STAG1: variants seen among roughly 807,000 people sequenced by gnomAD.
STAG1 encodes STAG1 cohesin complex component, also known as cohesin subunit SA-1.
Under a neutral mutation model 170.9 loss-of-function variants are expected in STAG1, and 26 were observed. That is an observed-to-expected ratio of 0.15 (90% confidence interval 0.11 to 0.21). STAG1 has a LOEUF of 0.21. Among genes scored for constraint, STAG1 ranks in the 10% least tolerant of loss-of-function variants. The probability of loss-of-function intolerance (pLI) is 1.00; values close to 1 mark genes in which losing one functional copy is unlikely to be tolerated. For synonymous variants in STAG1, 514 were observed against 497.7 expected (o/e 1.03, Z -0.44); for missense variants, 964 against 1,509.5 (o/e 0.64, Z 5.99).
intron 2 of STAG1, among the ~76,000 whole-genome samples, chr3:136,629,187 TA>T (rs1940224800): frequency 6.6e-6 from 1 of 152,228 alleles, no homozygotes; most frequent in South Asian, 2.1e-4. Context: ...CTCTGTTTCA[TA>T]TTTTATCAAA....
At chr3:136,630,773 T>G in intron 2 of STAG1, 97 bp downstream of exon 2, 2 of 875,478 alleles carry the variant, frequency 2.3e-6, no homozygotes, top group Non-Finnish European at 3.6e-6. Flanking sequence ...AAAGAACATA[T>G]TTGAAATGTA....
chr3:136,443,126 G>A lies in STAG1; in HGVS notation c.1546+161C>T, dbSNP rs959484812. Among the ~76,000 whole-genome samples, 3 of 152,130 alleles carry A rather than the reference G, an allele frequency of 2.0e-5. No homozygotes were observed. In the East Asian group the frequency reaches 5.8e-4, roughly 29 times the overall value. On this transcript the variant is annotated intron_variant, in intron 15 of 33. Transcript: ENST00000383202. ...GTTTATATGGAAACATGTTAGAAAC[G>A]ATTGACACATCCTTACTTGTTACAG...
chr3:136,341,617 C>G, intron 30 of STAG1, 66 bp from the exon 31 acceptor site: 2 of 1,040,630 alleles, frequency 1.9e-6, no homozygotes, highest in Non-Finnish European at 3.0e-6. Context: ...GAGCCCCAAG[C>G]TAAGAAAGCC....
At chr3:136,743,683 C>A (rs891549207) in intron 1 of STAG1, among the ~76,000 whole-genome samples, 1 of 152,104 alleles carries the variant, frequency 6.6e-6, no homozygotes, top group African/African-American at 2.4e-5. Flanking sequence ...AAGAATAACA[C>A]TATTACACAA....
At chr3:136,726,609 A>G (rs960743549) in intron 1 of STAG1, among the ~76,000 whole-genome samples, 1 of 152,166 alleles carries the variant, frequency 6.6e-6, no homozygotes, top group Non-Finnish European at 1.5e-5. Context: ...TTTTTAGTAG[A>G]GATGGGGTTT....
At position 136,722,609 on chromosome 3, in the gene STAG1, ACTCTCCCTCTCC is replaced by A. The variant is rs757130573; in HGVS notation, c.-84+29574_-84+29585del. On this transcript the variant is annotated intron_variant, in intron 1 of 33. Coordinates refer to ENST00000383202, the MANE Select transcript of STAG1 (RefSeq NM_005862.3). Reference sequence around the variant, plus strand: ...GGTTCAATTAAGATTGGAGAGCATGACTCTCCCTCTCCCTCTCCCTCTCCCTCTCCCCCTCCC... The same window carrying A: ...GGTTCAATTAAGATTGGAGAGCATGACTCTCCCTCTCCCTCTCCCCCTCCC... Among the ~76,000 whole-genome samples, 727 of 143,724 alleles carry A rather than the reference ACTCTCCCTCTCC, an allele frequency of 5.1e-3. 3 individuals carry two copies. The highest frequency in any genetic ancestry group is 8.5e-3 in the Non-Finnish European group (563 of 66,046). The allele number at this position is 143,724 out of a possible 152,430, so 94.3% of individuals were successfully genotyped here.
At chr3:136,747,646 C>T (rs568486713) in intron 1 of STAG1, among the ~76,000 whole-genome samples, 10 of 152,224 alleles carry the variant, frequency 6.6e-5, no homozygotes, top group African/African-American at 2.4e-4. Context: ...CACAACTGCA[C>T]TCCAGCCTGA....
intron 12 of STAG1, 59 bp downstream of exon 12, chr3:136,472,354 T>A: frequency 7.8e-7 from 1 of 1,279,134 alleles, no homozygotes; most frequent in South Asian, 1.3e-5. Context: ...ACATTAAAAA[T>A]CCTGGGGAAA....
At chr3:136,422,311 C>T in intron 19 of STAG1, 99 bp downstream of exon 19, 1 of 1,146,232 alleles carries the variant, frequency 8.7e-7, no homozygotes, top group Non-Finnish European at 1.2e-6. Context: ...GACAATTCTA[C>T]TCAATTTCAT....
chr3:136,627,759 A>C (rs1202737554), intron 2 of STAG1, among the ~76,000 whole-genome samples: 3 of 152,224 alleles, frequency 2.0e-5, no homozygotes, highest in African/African-American at 7.2e-5. Flanking sequence ...ACTACTAGAC[A>C]TAAATTAAGA....
chr3:136,394,750 C>A (rs1205376469), intron 22 of STAG1, among the ~76,000 whole-genome samples: 1 of 151,618 alleles, frequency 6.6e-6, no homozygotes, highest in Non-Finnish European at 1.5e-5. Context: ...GTTGGGAGTT[C>A]GAGACCAGCC....
At chr3:136,719,101 T>C (rs981159736) in intron 1 of STAG1, among the ~76,000 whole-genome samples, 2 of 152,188 alleles carry the variant, frequency 1.3e-5, no homozygotes, top group Non-Finnish European at 2.9e-5. Context: ...TGTAAATGAA[T>C]GTTCACAGCA....
At chr3:136,642,506 T>A (rs1479465834) in intron 1 of STAG1, among the ~76,000 whole-genome samples, 2 of 151,872 alleles carry the variant, frequency 1.3e-5, no homozygotes, top group Non-Finnish European at 2.9e-5. Context: ...TCCCAAGTGA[T>A]CCACCCGCCT....
chr3:136,736,674 T>C (rs1934354179), intron 1 of STAG1: 1 of 1,604,668 alleles, frequency 6.2e-7, no homozygotes, highest in South Asian at 1.1e-5. Flanking sequence ...TTCAATCTCT[T>C]CTCCCCTTTG....
At position 136,679,410 on chromosome 3, in the gene STAG1, T is replaced by A. The variant is rs573997193; in HGVS notation, c.-83-48429A>T. Among the ~76,000 whole-genome samples the A allele has an allele frequency of 3.0e-4, 46 of 151,462 alleles. No individual in the cohort carries two copies. The East Asian group carries it at 8.3e-3, about 27-fold the overall frequency. ...GCCTGTCCAACATGGTGAAACCACA[T>A]CTCTACAAAAAAAAATACAAAAATT... On this transcript the variant is annotated intron_variant, in intron 1 of 33. Coordinates refer to ENST00000383202, the MANE Select transcript of STAG1 (RefSeq NM_005862.3).
At chr3:136,446,872 TCA>T (rs2088796634) in intron 14 of STAG1, among the ~76,000 whole-genome samples, 1 of 151,968 alleles carries the variant, frequency 6.6e-6, no homozygotes, top group Non-Finnish European at 1.5e-5. Context: ...CAATCTCGGC[TCA>T]CTGCCACCTC....
chr3:136,402,034 G>A (rs200017290), intron 21 of STAG1, among the ~76,000 whole-genome samples: 14 of 151,920 alleles, frequency 9.2e-5, no homozygotes, highest in Admixed American at 6.6e-5. Flanking sequence ...GTGAGCCACC[G>A]CGCCCACCCA....
At chr3:136,624,848 C>T (rs1478455268) in intron 2 of STAG1, among the ~76,000 whole-genome samples, 1 of 152,172 alleles carries the variant, frequency 6.6e-6, no homozygotes, top group Non-Finnish European at 1.5e-5. Flanking sequence ...AGCATTAAAA[C>T]ATATTTCTAC....
chr3:136,740,366 C>T (rs918699765), intron 1 of STAG1, among the ~76,000 whole-genome samples: 5 of 152,200 alleles, frequency 3.3e-5, no homozygotes, highest in African/African-American at 7.2e-5. Flanking sequence ...GAAATTTAAT[C>T]CAAGCCTCAG....
Sources: gnomAD v4.1 joint callset for allele counts (sites outside exome capture counted in the v4.1 genomes callset) on GRCh38, gnomAD v4.1.1 for gene constraint, MANE v1.5 for transcripts, NCBI Gene and HGNC (gene_info 2026-07-23, HGNC 2026-07-21) for gene names.